The following AK9 variants were observed in gnomAD, a reference collection of about 807,000 sequenced individuals.
The protein encoded by AK9 is adenylate kinase domain containing 1.
A neutral mutation model predicts 239.6 loss-of-function variants in AK9; 191 were observed. The observed-to-expected ratio is 0.80, with a 90% CI of 0.71 to 0.90. AK9 has a LOEUF of 0.90. Among genes scored for constraint, AK9 ranks in the 40% least tolerant of loss-of-function variants. The probability of loss-of-function intolerance (pLI) is 0.00; values close to 1 mark genes in which losing one functional copy is unlikely to be tolerated. For synonymous variants in AK9, 689 were observed against 721.0 expected (o/e 0.96, Z 0.71); for missense variants, 1,995 against 2,214.7 (o/e 0.90, Z 1.99).
rs145186563 is a variant in AK9, at chr6:109,499,227, G to A, written c.4863C>T (p.Cys1621=). The A allele has an allele frequency of 4.8e-3, 7,210 of 1,517,468 alleles. 35 individuals carry two copies. Among genetic ancestry groups the A allele is most frequent in the South Asian group, 0.013 (981 of 76,458 alleles). 94.0% of individuals were successfully genotyped at this position (1,517,468 alleles called of 1,614,324 possible). The change falls in exon 36 of 41, where the codon TGC becomes TGT. Residue 1621 remains cysteine, a synonymous_variant. Coordinates refer to ENST00000424296, the MANE Select transcript of AK9 (RefSeq NM_001145128.3). ...GAGGTGTGATACATAACTTGTCAAT[G>A]CAGGCAGCTTTTCCTATTATTAACA... ...LERIKAGKAA[C]IDKLCITPQE... is the part of the protein sequence containing the mutation.
rs1582696307 is a variant in AK9, at chr6:109,493,492, G to A, written c.5613C>T (p.Leu1871=). Residue 1871 remains leucine, a synonymous_variant, in exon 41 of 41, where the codon CTC becomes CTT. Coordinates refer to ENST00000424296, the MANE Select transcript of AK9 (RefSeq NM_001145128.3). ...TCATCTTGGCACCCAAGTATGTTAT[G>A]AGTTCACAACTCTCCATAAACTGCT... ...KMEQFMESCE[L]ITYLGAKMTR... 6.2e-7 allele frequency: 1 copy of A among 1,614,090 alleles called. No individual in the cohort carries two copies. The highest frequency in any genetic ancestry group is 8.5e-7 in the Non-Finnish European group (1 of 1,179,986).
chr6:109,610,643 G>A (rs1793465305), intron 16 of AK9, 130 bp from the exon 17 acceptor site: 1 of 1,002,842 alleles, frequency 1.0e-6, no homozygotes, highest in Admixed American at 2.8e-5. Flanking sequence ...GCACATGTTG[G>A]AAGGAGGGAG....
chr6:109,672,004 C>T lies in AK9; in HGVS notation c.246G>A (p.Met82Ile), dbSNP rs1770982656. 1 of 1,613,852 alleles carries T rather than the reference C, an allele frequency of 6.2e-7. No individual in the cohort carries two copies. The highest frequency in any genetic ancestry group is 1.3e-5 in the African/African-American group (1 of 74,912). ...ETESGVMLQS[M>I]LISGQSIPDE... is the part of the protein sequence containing the mutation. The stretch of plus-strand genomic sequence containing the variant: ...CTGGAATGCTTTGACCGCTGATCAA[C>T]ATTGATTGCAACTAAGGACAAGCAT... The change falls in exon 5 of 41, where the codon ATG becomes ATA. Residue 82 changes from methionine to isoleucine, a missense_variant. By Grantham distance (10) the Met-to-Ile change is conservative. This residue lies in a region of AK9 where 252 missense variants were observed against 246.4 expected (regional missense o/e 1.02). Coordinates refer to ENST00000424296, the MANE Select transcript of AK9 (RefSeq NM_001145128.3).
chr6:109,594,413 A>G (rs962804198), intron 17 of AK9, among the ~76,000 whole-genome samples: 6 of 152,346 alleles, frequency 3.9e-5, no homozygotes, highest in Non-Finnish European at 7.3e-5. Context: ...GGAAGAATCA[A>G]TATCATGAAA....
At chr6:109,609,779 T>G (rs1371511799) in intron 17 of AK9, among the ~76,000 whole-genome samples, 1 of 152,222 alleles carries the variant, frequency 6.6e-6, no homozygotes, top group South Asian at 2.1e-4. Flanking sequence ...CATTTGACTT[T>G]TGCTCTGAAT....
At chr6:109,678,517 A>G (rs1175216727) in intron 1 of AK9, among the ~76,000 whole-genome samples, 1 of 152,216 alleles carries the variant, frequency 6.6e-6, no homozygotes, top group Non-Finnish European at 1.5e-5. Context: ...TTTGCAAAAT[A>G]TTATCATAAG....
intron 12 of AK9, chr6:109,632,351 T>C (rs1796174757): frequency 1.0e-6 from 1 of 974,422 alleles, no homozygotes; most frequent in African/African-American, 1.8e-5. Context: ...CTAGAATTCC[T>C]CCACATTCCA....
intron 12 of AK9, chr6:109,632,433 T>C (rs950099561): frequency 5.9e-5 from 32 of 545,080 alleles, no homozygotes; most frequent in Admixed American, 4.4e-4. Context: ...CCACTTTTAC[T>C]GCTATCACTC....
intron 20 of AK9, 119 bp from the exon 21 acceptor site, chr6:109,573,713 T>C (rs1787713442): frequency 7.8e-6 from 7 of 899,242 alleles, no homozygotes; most frequent in East Asian, 5.4e-5. Flanking sequence ...TCCTAGAGTA[T>C]GTAGTTTAAT....
At chr6:109,580,729 T>C (rs912869093) in intron 19 of AK9, among the ~76,000 whole-genome samples, 1 of 152,180 alleles carries the variant, frequency 6.6e-6, no homozygotes, top group Non-Finnish European at 1.5e-5. Context: ...CCTGTGTTCC[T>C]GCCGGAAGTC....
At chr6:109,622,206 A>G (rs1794950161) in intron 12 of AK9, among the ~76,000 whole-genome samples, 1 of 145,124 alleles carries the variant, frequency 6.9e-6, no homozygotes, top group Non-Finnish European at 1.5e-5. Flanking sequence ...CATATTGTAT[A>G]TATTTTAGAC....
Position 109,534,955 on chromosome 6 carries a change from A to G in AK9, c.3351-1485T>C, listed in dbSNP as rs182646408. Among the ~76,000 whole-genome samples the G allele has an allele frequency of 5.6e-4, 86 of 152,286 alleles. No homozygotes were observed. The East Asian group carries it at 0.015, about 27-fold the overall frequency. Reference sequence around the variant, plus strand: ...TGAACTCATCCTTTTTAATGGCTGCATAGTATTCCATGGTGTATATGTGCA... The same window carrying G: ...TGAACTCATCCTTTTTAATGGCTGCGTAGTATTCCATGGTGTATATGTGCA... On this transcript the variant is annotated intron_variant, in intron 27 of 40. Coordinates refer to ENST00000424296, the MANE Select transcript of AK9 (RefSeq NM_001145128.3).
At chr6:109,648,366 A>G (rs1179585092) in intron 8 of AK9, among the ~76,000 whole-genome samples, 1 of 152,200 alleles carries the variant, frequency 6.6e-6, no homozygotes, top group Non-Finnish European at 1.5e-5. Context: ...AGAAGAAAAG[A>G]GAGAAGAATC....
intron 39 of AK9, among the ~76,000 whole-genome samples, chr6:109,495,084 T>G (rs947839851): frequency 4.6e-5 from 7 of 152,188 alleles, no homozygotes; most frequent in African/African-American, 1.7e-4. Flanking sequence ...CTAATTCAAA[T>G]GGAAACAATT....
At chr6:109,563,815 G>A in intron 23 of AK9, 103 bp from the exon 24 acceptor site, 1 of 1,313,024 alleles carries the variant, frequency 7.6e-7, no homozygotes, top group South Asian at 1.5e-5. Context: ...ATTATTATTA[G>A]TCTCTTAGAT....
At chr6:109,500,240 A>C (rs1277258406) in intron 35 of AK9, among the ~76,000 whole-genome samples, 4 of 152,194 alleles carry the variant, frequency 2.6e-5, no homozygotes, top group African/African-American at 9.7e-5. Flanking sequence ...CATTTATCCA[A>C]AAGTGATTGG....
At chr6:109,588,077 C>CTTT (rs945491858) in intron 17 of AK9, among the ~76,000 whole-genome samples, 1 of 146,410 alleles carries the variant, frequency 6.8e-6, no homozygotes, top group South Asian at 2.1e-4. Context: ...TTGCTGCCTT[C>CTTT]TTTTTTTTTT....
At chr6:109,612,861 TTATA>T (rs950947020) in intron 15 of AK9, among the ~76,000 whole-genome samples, 1 of 150,796 alleles carries the variant, frequency 6.6e-6, no homozygotes, top group African/African-American at 2.4e-5. Flanking sequence ...AAATGTAAGT[TTATA>T]TATATAAACT....
At chr6:109,667,844 G>A (rs947763564) in intron 5 of AK9, among the ~76,000 whole-genome samples, 9 of 152,094 alleles carry the variant, frequency 5.9e-5, no homozygotes, top group African/African-American at 2.2e-4. Context: ...GCTATTGTGA[G>A]TAGTGCCACA....
Sources: allele counts gnomAD v4.1 joint callset (sites outside exome capture counted in the v4.1 genomes callset), GRCh38; gene constraint gnomAD v4.1.1; regional missense constraint gnomAD v4.1.1; transcripts MANE v1.5; gene names NCBI Gene and HGNC (gene_info 2026-07-23, HGNC 2026-07-21).